The following PDE12 variants were observed in gnomAD, a reference collection of about 807,000 sequenced individuals.
PDE12 encodes phosphodiesterase 12, also known as 2',5'-phosphodiesterase 12.
In PDE12, 26 loss-of-function variants were observed where a neutral mutation model predicts 45.4. The ratio of observed to expected loss-of-function variants is 0.57; its 90% CI spans 0.42 to 0.79. The LOEUF (loss-of-function observed/expected upper bound fraction) is 0.79. Among genes scored for constraint, PDE12 ranks in the 30% least tolerant of loss-of-function variants. The pLI, the probability that PDE12 is intolerant of heterozygous loss-of-function variation, is 0.00. For synonymous variants in PDE12, 283 were observed against 323.9 expected, an observed-to-expected ratio of 0.87 and a Z score of 1.36; for missense variants, 668 against 790.0, an observed-to-expected ratio of 0.85 and a Z score of 1.85.
the PDE12 span, among the ~76,000 whole-genome samples, chr3:57,588,212 G>T: frequency 1.3e-5 from 2 of 152,176 alleles, no homozygotes; most frequent in Non-Finnish European, 2.9e-5. Context: ...TGGAATACTT[G>T]TTCTCCTTAA....
chr3:57,622,276 G>T, the PDE12 span, among the ~76,000 whole-genome samples: 1 of 152,174 alleles, frequency 6.6e-6, no homozygotes. Flanking sequence ...AAAGGTTTGA[G>T]CACTTTACCA....
the PDE12 span, among the ~76,000 whole-genome samples, chr3:57,605,811 A>T: frequency 7.2e-5 from 11 of 152,210 alleles, no homozygotes; most frequent in African/African-American, 2.4e-4. Context: ...AGATATTTTT[A>T]AAAGACTTGA....
the PDE12 span, among the ~76,000 whole-genome samples, chr3:57,576,355 G>A: frequency 0.03 from 4,590 of 152,226 alleles, 95 homozygotes; most frequent in Non-Finnish European, 0.05. Context: ...GGGAATGACT[G>A]CTAATGGTCC....
At chr3:57,629,907 T>G in the PDE12 span, among the ~76,000 whole-genome samples, 1 of 152,192 alleles carries the variant, frequency 6.6e-6, no homozygotes, top group Non-Finnish European at 1.5e-5. Context: ...CTTCTTGGAT[T>G]AGAATCCTTA....
the PDE12 span, among the ~76,000 whole-genome samples, chr3:57,618,627 T>TGGG: frequency 1.5e-5 from 2 of 136,844 alleles, no homozygotes; most frequent in East Asian, 5.3e-4. Flanking sequence ...TTTTTTTTTT[T>TGGG]GAGATGGAGT....
chr3:57,602,862 C>T, the PDE12 span, among the ~76,000 whole-genome samples: 10,265 of 152,234 alleles, frequency 0.067, 413 homozygotes, highest in Non-Finnish European at 0.082. Context: ...TGAGCCACCA[C>T]GTCCGGCCTA....
At chr3:57,597,128 TAGTG>T in the PDE12 span, 3 of 1,613,810 alleles carry the variant, frequency 1.9e-6, no homozygotes, top group Non-Finnish European at 2.5e-6. Flanking sequence ...AGGGAGGAGA[TAGTG>T]AGGCCCATGG....
At chr3:57,652,797 T>C in the PDE12 span, among the ~76,000 whole-genome samples, 1 of 152,046 alleles carries the variant, frequency 6.6e-6, no homozygotes, top group Non-Finnish European at 1.5e-5. Flanking sequence ...TACCAGACAA[T>C]CCTAAACTGA....
chr3:57,599,882 T>G, the PDE12 span, among the ~76,000 whole-genome samples: 4 of 148,852 alleles, frequency 2.7e-5, no homozygotes, highest in African/African-American at 9.9e-5. Flanking sequence ...AATAAATAAG[T>G]GGATTCTGGC....
chr3:57,586,188 C>A, the PDE12 span, among the ~76,000 whole-genome samples: 1 of 152,174 alleles, frequency 6.6e-6, no homozygotes, highest in Non-Finnish European at 1.5e-5. Context: ...CTCATTGAAT[C>A]TATCATTGTT....
chr3:57,595,519 A>G, the PDE12 span, among the ~76,000 whole-genome samples: 4 of 152,242 alleles, frequency 2.6e-5, no homozygotes, highest in African/African-American at 9.6e-5. Flanking sequence ...AATGACTCAT[A>G]AACAATTGAT....
the PDE12 span, chr3:57,575,667 C>A: frequency 6.2e-7 from 1 of 1,604,222 alleles, no homozygotes; most frequent in Non-Finnish European, 8.5e-7. Flanking sequence ...AATTCATCTA[C>A]CAGAAGCTGG....
At chr3:57,633,923 A>G in the PDE12 span, among the ~76,000 whole-genome samples, 1 of 151,912 alleles carries the variant, frequency 6.6e-6, no homozygotes, top group Admixed American at 6.6e-5. Context: ...CTATAAAGAC[A>G]ATCTTTATTT....
chr3:57,628,763 G>T, the PDE12 span: 1 of 1,575,114 alleles, frequency 6.3e-7, no homozygotes, highest in Non-Finnish European at 8.7e-7. Flanking sequence ...AGAGGACAAT[G>T]TCTTCAAAGA....
At chr3:57,620,580 G>A in the PDE12 span, among the ~76,000 whole-genome samples, 3,656 of 152,124 alleles carry the variant, frequency 0.024, 69 homozygotes, top group Non-Finnish European at 0.035. Context: ...TAAAAAATCT[G>A]ATGGAGTCTT....
the PDE12 span, among the ~76,000 whole-genome samples, chr3:57,616,477 GAAGA>G: frequency 0.037 from 5,596 of 150,146 alleles, 352 homozygotes; most frequent in African/African-American, 0.13. Flanking sequence ...AAAGAAGGAA[GAAGA>G]AAGAAGGAGG....
At chr3:57,575,073 C>T in the PDE12 span, among the ~76,000 whole-genome samples, 1 of 151,880 alleles carries the variant, frequency 6.6e-6, no homozygotes, top group Admixed American at 6.6e-5. Flanking sequence ...TGGTCTCAAA[C>T]TCCCGACCTC....
chr3:57,557,672 ATCT>A lies in PDE12; in HGVS notation c.1297_1299del (p.Ser433del). 3 of 1,613,722 alleles carry A rather than the reference ATCT, an allele frequency of 1.9e-6. No individual in the cohort carries two copies. Among genetic ancestry groups the A allele is most frequent in the East Asian group, 2.2e-5 (1 of 44,876 alleles). On this transcript the variant is annotated inframe_deletion, in exon 1 of 3. Coordinates refer to ENST00000311180, the MANE Select transcript of PDE12 (RefSeq NM_177966.7). Reference sequence around the variant, plus strand: ...CAGCGCAGGAGAAGGTGCTCCAGAGATCTTCTGTTCTTCAGGTAAAGTAGTTCC... The same window carrying A: ...CAGCGCAGGAGAAGGTGCTCCAGAGATCTGTTCTTCAGGTAAAGTAGTTCC...
In PDE12 at chr3:57,560,111, G is replaced by A. The variant is rs1432402569; in HGVS notation, c.*107G>A. ...AAACTTCAAGGAGGAATGGTAAAATGTTCAGCCCTCCTAGTTATGTTCCTG... is the reference window on the plus strand; with the variant it reads ...AAACTTCAAGGAGGAATGGTAAAATATTCAGCCCTCCTAGTTATGTTCCTG... On this transcript the variant is annotated 3_prime_UTR_variant, in exon 3 of 3. Transcript: ENST00000311180. 7 of 1,468,534 alleles carry A rather than the reference G, an allele frequency of 4.8e-6. No homozygotes were observed. Among genetic ancestry groups the A allele is most frequent in the East Asian group, 2.4e-5 (1 of 41,876 alleles). The allele number at this position is 1,468,534 out of a possible 1,614,324, so 91.0% of individuals were successfully genotyped here.
Sources: gnomAD v4.1 joint callset for allele counts (sites outside exome capture counted in the v4.1 genomes callset) on GRCh38, gnomAD v4.1.1 for gene constraint, MANE v1.5 for transcripts, NCBI Gene and HGNC (gene_info 2026-07-23, HGNC 2026-07-21) for gene names.